The following ATOX1 variants were observed in gnomAD, a reference collection of about 807,000 sequenced individuals.
The protein encoded by ATOX1 is antioxidant 1 copper chaperone, also known as copper transport protein ATOX1.
A neutral mutation model predicts 7.3 loss-of-function variants in ATOX1; 4 were observed. The observed-to-expected ratio is 0.55, with a 90% CI of 0.27 to 1.25. The LOEUF is 1.25. Ranked by LOEUF, ATOX1 falls within the 50% of genes most tolerant of loss-of-function variation. ATOX1 has a pLI of 0.12. For synonymous variants in ATOX1, 25 were observed against 28.7 expected (o/e 0.87, Z 0.41); for missense variants, 68 against 81.6 (o/e 0.83, Z 0.64).
At chr5:151,751,618 A>C in intron 2 of ATOX1, 86 bp downstream of exon 2, 1 of 1,400,952 alleles carries the variant, frequency 7.1e-7, no homozygotes, top group South Asian at 1.3e-5. Flanking sequence ...TACTGTTATG[A>C]TCAGCTTAAC....
chr5:151,745,372 C>T (rs374781602), intron 3 of ATOX1: 1 of 152,174 alleles, frequency 6.6e-6, no homozygotes, highest in African/African-American at 2.4e-5. Context: ...CTCTCTTGGC[C>T]TCATTTTTCT....
In ATOX1 at chr5:151,746,312, G is replaced by C; in HGVS notation, c.*13C>G. 6.2e-7 allele frequency: 1 copy of C among 1,612,340 alleles called. No homozygotes were observed. Among genetic ancestry groups the C allele is most frequent in the Non-Finnish European group, 8.5e-7 (1 of 1,179,390 alleles). ...TTTGGTCCATCCTGTGGGCTGTGGG[G>C]ACCAGGCCCCTGCTACTCAAGGCCA... is the stretch of plus-strand genomic sequence containing the variant. On this transcript the variant is annotated 3_prime_UTR_variant, in exon 3 of 4. Coordinates refer to ENST00000313115, the MANE Select transcript of ATOX1 (RefSeq NM_004045.4).
chr5:151,758,266 G>C (rs1024808475), intron 1 of ATOX1, among the ~76,000 whole-genome samples: 2 of 152,240 alleles, frequency 1.3e-5, no homozygotes, highest in Non-Finnish European at 1.5e-5. Flanking sequence ...CCCCTCTCTG[G>C]TTCTGTTTCT....
At chr5:151,750,386 A>G (rs1761931944) in intron 2 of ATOX1, among the ~76,000 whole-genome samples, 1 of 152,038 alleles carries the variant, frequency 6.6e-6, no homozygotes, top group African/African-American at 2.4e-5. Flanking sequence ...GGTGAAATCC[A>G]TATCTATGAA....
At chr5:151,745,368 T>C (rs1252931268) in intron 3 of ATOX1, 1 of 152,170 alleles carries the variant, frequency 6.6e-6, no homozygotes, top group African/African-American at 2.4e-5. Flanking sequence ...TCCCCTCTCT[T>C]GGCCTCATTT....
At position 151,751,761 on chromosome 5, in the gene ATOX1, C is replaced by T. The variant is rs547419437; in HGVS notation, c.25G>A (p.Asp9Asn). The T allele has an allele frequency of 1.5e-4, 234 of 1,608,754 alleles. 3 individuals are homozygous for T. The South Asian group carries it at 2.5e-3, about 17-fold the overall frequency. ...TCAGCACAGCCTCCACAGGTCATGT[C>T]CACAGAGAACTCGTGCTTCTGAAAC... is the stretch of plus-strand genomic sequence containing the variant. Reference protein sequence around the residue: MPKHEFSVDMTCGGCAEAV... With the variant: MPKHEFSVNMTCGGCAEAV... The change falls in exon 2 of 4, where the codon GAC (aspartate) becomes AAC (asparagine). Residue 9 changes from aspartate (D) to asparagine (N), a missense_variant. Physicochemically the swap from Asp to Asn is conservative, Grantham distance 23. Coordinates refer to ENST00000313115, the MANE Select transcript of ATOX1 (RefSeq NM_004045.4).
At chr5:151,752,822 G>C (rs1761968523) in intron 1 of ATOX1, among the ~76,000 whole-genome samples, 1 of 152,094 alleles carries the variant, frequency 6.6e-6, no homozygotes, top group Non-Finnish European at 1.5e-5. Flanking sequence ...TCCCTCTCTA[G>C]ATTTGTGAAT....
intron 3 of ATOX1, chr5:151,743,667 G>A (rs1266532380): frequency 6.6e-6 from 1 of 152,190 alleles, no homozygotes; most frequent in African/African-American, 2.4e-5. Context: ...TAATCTGGGT[G>A]TTTCATCACC....
At chr5:151,751,590 C>A in intron 2 of ATOX1, 114 bp downstream of exon 2, 6 of 1,062,786 alleles carry the variant, frequency 5.6e-6, no homozygotes, top group Non-Finnish European at 8.2e-6. Flanking sequence ...GTGCTAAGTA[C>A]TCAATATATT....
intron 2 of ATOX1, among the ~76,000 whole-genome samples, chr5:151,750,968 T>G (rs901583304): frequency 2.0e-5 from 3 of 151,876 alleles, no homozygotes; most frequent in African/African-American, 7.3e-5. Context: ...TAAAAAACCT[T>G]AATAGAGGCT....
At chr5:151,754,279 C>T (rs1248471855) in intron 1 of ATOX1, among the ~76,000 whole-genome samples, 2 of 152,122 alleles carry the variant, frequency 1.3e-5, no homozygotes, top group African/African-American at 2.4e-5. Flanking sequence ...CATTCCTCCC[C>T]ACATTACAGT....
In ATOX1 at chr5:151,751,720, G is replaced by C. The variant is rs1386179406; in HGVS notation, c.66C>G (p.Val22=). ...CTCACTCACCTCCAAGCTTATTGAG[G>C]ACCCGAGAGACAGCTTCAGCACAGC... The part of the protein sequence containing the change: ...CGGCAEAVSR[V]LNKLGGVKYD... The change falls in exon 2 of 4, where the codon GTC becomes GTG. Residue 22 remains valine, a synonymous_variant. Transcript: ENST00000313115. 6.2e-7 allele frequency: 1 copy of C among 1,607,434 alleles called. No individual in the cohort carries two copies. The highest frequency in any genetic ancestry group is 2.2e-5 in the East Asian group (1 of 44,714).
At chr5:151,755,610 G>C (rs1228439103) in intron 1 of ATOX1, among the ~76,000 whole-genome samples, 1 of 152,168 alleles carries the variant, frequency 6.6e-6, no homozygotes, top group African/African-American at 2.4e-5. Context: ...TTCTGTCGCT[G>C]ACTACAGGGA....
chr5:151,748,212 A>C (rs1371536642), intron 2 of ATOX1, among the ~76,000 whole-genome samples: 1 of 152,156 alleles, frequency 6.6e-6, no homozygotes, highest in African/African-American at 2.4e-5. Context: ...TACTCTGACA[A>C]AAGAGTGCAA....
At chr5:151,752,481 G>C (rs1442571761) in intron 1 of ATOX1, 1 of 644,740 alleles carries the variant, frequency 1.6e-6, no homozygotes, top group Non-Finnish European at 2.8e-6. Flanking sequence ...TCAAGGGTCT[G>C]AAGGTAAGCT....
Position 151,746,296 on chromosome 5 carries a change from T to C in ATOX1, c.*29A>G. 3.1e-6 allele frequency: 5 copies of C among 1,611,428 alleles called. No individual in the cohort carries two copies. Among genetic ancestry groups the C allele is most frequent in the African/African-American group, 1.3e-5 (1 of 74,986 alleles). ...TTACCCACCTGCCCCCTTTGGTCCA[T>C]CCTGTGGGCTGTGGGGACCAGGCCC... On this transcript the variant is annotated 3_prime_UTR_variant, in exon 3 of 4. Transcript: ENST00000313115.
At chr5:151,754,073 G>C (rs1761982711) in intron 1 of ATOX1, 1 of 152,114 alleles carries the variant, frequency 6.6e-6, no homozygotes, top group Non-Finnish European at 1.5e-5. Flanking sequence ...CTTGTTTCCT[G>C]ACTATTCACA....
At chr5:151,745,659 G>C (rs923586161) in intron 3 of ATOX1, 1 of 152,424 alleles carries the variant, frequency 6.6e-6, no homozygotes, top group Non-Finnish European at 1.5e-5. Context: ...GCTGACAACA[G>C]TTTCAAGTAG....
intron 2 of ATOX1, among the ~76,000 whole-genome samples, chr5:151,747,929 C>T (rs941541903): frequency 3.9e-5 from 6 of 152,134 alleles, no homozygotes; most frequent in South Asian, 2.1e-4. Context: ...ACAGTGTGGA[C>T]GTACCACACA....
Sources: gnomAD v4.1 joint callset for allele counts (sites outside exome capture counted in the v4.1 genomes callset) on GRCh38, gnomAD v4.1.1 for gene constraint, MANE v1.5 for transcripts, NCBI Gene and HGNC (gene_info 2026-07-23, HGNC 2026-07-21) for gene names.